The following PTK7 variants were observed in gnomAD, a reference collection of about 807,000 sequenced individuals.
PTK7 encodes the protein protein tyrosine kinase 7 (inactive).
In PTK7, 39 loss-of-function variants were observed where a neutral mutation model predicts 116.6. The observed-to-expected ratio is 0.33, with a 90% CI of 0.26 to 0.44. The LOEUF (loss-of-function observed/expected upper bound fraction) is 0.44. Ranked by LOEUF, PTK7 falls within the 20% of genes least tolerant of loss-of-function variation. The pLI is 1.00. For synonymous variants in PTK7, 546 were observed against 563.6 expected (o/e 0.97, Z 0.44); for missense variants, 1,169 against 1,425.6 (o/e 0.82, Z 2.90).
At position 43,143,158 on chromosome 6, in the gene PTK7, G is replaced by A. The variant is rs897730465; in HGVS notation, c.2048-259G>A. ...TGGGTTTGTGGTAGCTCCTTGACAG[G>A]TGTGCTTATCCGTGTCGCCTGTCTT... On this transcript the variant is annotated intron_variant, in intron 13 of 19. Transcript: ENST00000230419. This position sits in a 1 kb window ranked among gnomAD's most constrained non-coding sequence, Gnocchi z 4.2. 2.0e-5 allele frequency: 9 copies of A among 453,402 alleles called. No homozygotes were observed. The highest frequency in any genetic ancestry group is 3.2e-5 in the Non-Finnish European group (8 of 252,688). The allele number at this position is 453,402 out of a possible 1,614,324, so 28.1% of individuals were successfully genotyped here.
At chr6:43,130,061 T>G (rs539605131) in intron 3 of PTK7, among the ~76,000 whole-genome samples, 169 bp from the exon 4 acceptor site, 2 of 152,292 alleles carry the variant, frequency 1.3e-5, no homozygotes, top group African/African-American at 2.4e-5. Context: ...AACTTGATTC[T>G]GCCCCTGAAT....
chr6:43,139,551 G>A lies in PTK7; in HGVS notation c.1618+26G>A, dbSNP rs372479841. The A allele has an allele frequency of 1.2e-5, 19 of 1,612,914 alleles. No homozygotes were observed. In the African/African-American group the frequency reaches 2.5e-4, roughly 22 times the overall value. ...GTGGGTACAGTGCCGGCATAGGGTA[G>A]GGGCAGGCAGGCAGTTCACTGATCA... On this transcript the variant is annotated intron_variant, in intron 10 of 19. Transcript: ENST00000230419. This position sits in a 1 kb window ranked among gnomAD's most constrained non-coding sequence, Gnocchi z 4.6.
chr6:43,137,973 A>T (rs531689264), intron 7 of PTK7, among the ~76,000 whole-genome samples: 1 of 151,942 alleles, frequency 6.6e-6, no homozygotes, highest in Admixed American at 6.5e-5. Flanking sequence ...CACCCGGCCA[A>T]TGTTTTTGTA....
intron 1 of PTK7, among the ~76,000 whole-genome samples, chr6:43,099,123 G>GA (rs200903328): frequency 1.7e-4 from 24 of 141,494 alleles, no homozygotes; most frequent in Non-Finnish European, 2.2e-4. Flanking sequence ...AAAAAAAAAG[G>GA]AAAAAAAATG....
intron 1 of PTK7, among the ~76,000 whole-genome samples, chr6:43,078,133 C>T (rs1766162454): frequency 6.6e-6 from 1 of 152,348 alleles, no homozygotes; most frequent in African/African-American, 2.4e-5. Context: ...GTACTAGAGT[C>T]AAGGGGAGTT....
intron 1 of PTK7, among the ~76,000 whole-genome samples, chr6:43,079,449 C>T (rs1000909912): frequency 8.3e-6 from 1 of 120,474 alleles, no homozygotes; most frequent in Admixed American, 8.8e-5. Flanking sequence ...GAGATCGTGC[C>T]GAGATCGTGC....
At chr6:43,155,597 C>T (rs1440829372) in intron 17 of PTK7, among the ~76,000 whole-genome samples, 2 of 150,358 alleles carry the variant, frequency 1.3e-5, no homozygotes, top group Admixed American at 6.6e-5. Flanking sequence ...TGCAGTGAGC[C>T]GAGATCAGGC....
intron 17 of PTK7, among the ~76,000 whole-genome samples, chr6:43,157,168 G>GTT (rs553929831): frequency 7.6e-6 from 1 of 132,132 alleles, no homozygotes; most frequent in South Asian, 2.4e-4. Context: ...TTGGATTGTG[G>GTT]TTTTTTTTTT....
intron 1 of PTK7, among the ~76,000 whole-genome samples, chr6:43,107,125 G>T (rs1173878278): frequency 6.7e-6 from 1 of 150,364 alleles, no homozygotes; most frequent in Non-Finnish European, 1.5e-5. Context: ...TTTTCACCTT[G>T]TGGGCCAGAC....
Position 43,130,222 on chromosome 6 carries a change from C to A in PTK7, c.471-8C>A. On this transcript the variant is annotated splice_polypyrimidine_tract_variant and splice_region_variant and intron_variant, in intron 3 of 19. Coordinates refer to ENST00000230419, the MANE Select transcript of PTK7 (RefSeq NM_002821.5). ...TCCCCACCACTGCTGACTGTGTCTG[C>A]CCTGCAGGCCCACCTACCAATGGTT... is the stretch of plus-strand genomic sequence containing the variant. The A allele has an allele frequency of 6.4e-7, 1 of 1,563,092 alleles. No homozygotes were observed. Among genetic ancestry groups the A allele is most frequent in the South Asian group, 1.2e-5 (1 of 83,962 alleles).
At chr6:43,080,941 C>CA (rs746710721) in intron 1 of PTK7, among the ~76,000 whole-genome samples, 95 of 130,420 alleles carry the variant, frequency 7.3e-4, no homozygotes, top group East Asian at 8.6e-4. Flanking sequence ...GACTCCGTCT[C>CA]AAAAAAAAAA....
At chr6:43,160,084 GA>G (rs1426449002) in intron 19 of PTK7, 118 bp downstream of exon 19, 1 of 1,055,978 alleles carries the variant, frequency 9.5e-7, no homozygotes, top group African/African-American at 1.6e-5. Context: ...CAGGCACACA[GA>G]TACAACCACT....
chr6:43,139,539 C>A lies in PTK7; in HGVS notation c.1618+14C>A, dbSNP rs374877237. ...GGGAACGGGCAGGTGGGTACAGTGC[C>A]GGCATAGGGTAGGGGCAGGCAGGCA... On this transcript the variant is annotated intron_variant, in intron 10 of 19. Transcript: ENST00000230419. The surrounding 1 kb of genome is among the most constrained non-coding windows in gnomAD (Gnocchi z 4.6). 1.2e-6 allele frequency: 2 copies of A among 1,613,668 alleles called. No homozygotes were observed. Among genetic ancestry groups the A allele is most frequent in the African/African-American group, 2.7e-5 (2 of 74,920 alleles).
intron 1 of PTK7, among the ~76,000 whole-genome samples, chr6:43,111,022 C>T (rs1367338700): frequency 6.6e-6 from 1 of 152,224 alleles, no homozygotes; most frequent in South Asian, 2.1e-4. Context: ...AGGCCTGCTT[C>T]ATACCAAGAT....
chr6:43,151,967 CCCGAGTAGCTGGGA>C (rs1561985486), intron 17 of PTK7, among the ~76,000 whole-genome samples: 1 of 150,664 alleles, frequency 6.6e-6, no homozygotes, highest in African/African-American at 2.4e-5. Flanking sequence ...GCCTGAACCT[CCCGAGTAGCTGGGA>C]CTACAGGCAC....
chr6:43,124,533 G>A (rs1220715398), intron 1 of PTK7, among the ~76,000 whole-genome samples: 1 of 151,782 alleles, frequency 6.6e-6, no homozygotes, highest in Middle Eastern at 3.2e-3. Context: ...AAAACTAGCT[G>A]GGCATGGTGG....
intron 1 of PTK7, among the ~76,000 whole-genome samples, chr6:43,108,839 G>A (rs1768040359): frequency 6.6e-6 from 1 of 152,154 alleles, no homozygotes; most frequent in Non-Finnish European, 1.5e-5. Context: ...ACTAATCATT[G>A]CTAGATCCAT....
In PTK7 at chr6:43,158,831, C is replaced by A; in HGVS notation, c.2736C>A (p.Thr912=). Residue 912 remains threonine, a synonymous_variant, in exon 18 of 20, where the codon ACC becomes ACA. Transcript: ENST00000230419. ...LSTKQKVALC[T]QVALGMEHLS... is the part of the protein sequence containing the mutation. The stretch of plus-strand genomic sequence containing the variant: ...TATCTCTCCAGGTGGCCCTATGCAC[C>A]CAGGTAGCCCTGGGCATGGAGCACC... 1 of 1,614,028 alleles carries A rather than the reference C, an allele frequency of 6.2e-7. No individual in the cohort carries two copies. Among genetic ancestry groups the A allele is most frequent in the Non-Finnish European group, 8.5e-7 (1 of 1,179,954 alleles).
At chr6:43,130,079 A>G (rs1769561779) in intron 3 of PTK7, 151 bp from the exon 4 acceptor site, 2 of 857,848 alleles carry the variant, frequency 2.3e-6, no homozygotes, top group Non-Finnish European at 3.6e-6. Flanking sequence ...AATCAGAATT[A>G]CTGTGTGCCC....
Sources: allele counts gnomAD v4.1 joint callset (sites outside exome capture counted in the v4.1 genomes callset), GRCh38; gene constraint gnomAD v4.1.1; non-coding constraint Gnocchi (gnomAD v3.1); transcripts MANE v1.5; gene names NCBI Gene and HGNC (gene_info 2026-07-23, HGNC 2026-07-21).